The following FLNC variants were observed in gnomAD, a reference collection of about 807,000 sequenced individuals.
The protein encoded by FLNC is filamin C.
FLNC carries 91 observed loss-of-function variants against 254.3 expected under a neutral mutation model. The ratio of observed to expected loss-of-function variants is 0.36; its 90% CI spans 0.30 to 0.43. The LOEUF (loss-of-function observed/expected upper bound fraction) is 0.43, where lower values mean the gene tolerates loss of function less well. FLNC is among the 20% of genes least tolerant of loss of function. FLNC has a pLI of 1.00. For synonymous variants in FLNC, 1,430 were observed against 1,577.2 expected, an observed-to-expected ratio of 0.91 and a Z score of 2.21; for missense variants, 2,853 against 3,802.6, an observed-to-expected ratio of 0.75 and a Z score of 6.57.
In FLNC at chr7:128,846,098, C is replaced by T; in HGVS notation, c.3899C>T (p.Thr1300Ile). Residue 1300 changes from threonine to isoleucine, a missense_variant, in exon 22 of 48, where the codon ACA (threonine) becomes ATA (isoleucine). Transcript: ENST00000325888. ...GTGCTCAACCCCTCGGGGGCCAAGACAGACACCTATGTGACAGACAATGGG... is the reference window on the plus strand; with the variant it reads ...GTGCTCAACCCCTCGGGGGCCAAGATAGACACCTATGTGACAGACAATGGG... ...ARVLNPSGAK[T>I]DTYVTDNGDG... 6.2e-7 allele frequency: 1 copy of T among 1,614,012 alleles called. No individual in the cohort carries two copies. Among genetic ancestry groups the T allele is most frequent in the Non-Finnish European group, 8.5e-7 (1 of 1,180,006 alleles).
In FLNC at chr7:128,840,675, G is replaced by A. The variant is rs111452612; in HGVS notation, c.1676+1G>A. ...GGGGCGGCTACGCCATCCCTCGCAG[G>A]TGAGTACCTTGCGCCCCCCATGCTG... On this transcript the variant is annotated splice_donor_variant, in intron 10 of 47. Transcript: ENST00000325888. LOFTEE classifies it high-confidence loss of function. 6.2e-7 allele frequency: 1 copy of A among 1,613,056 alleles called. No homozygotes were observed. The highest frequency in any genetic ancestry group is 1.3e-5 in the African/African-American group (1 of 74,848).
At position 128,852,876 on chromosome 7, in the gene FLNC, G is replaced by C; in HGVS notation, c.6053G>C (p.Arg2018Pro). The C allele has an allele frequency of 6.2e-7, 1 of 1,613,728 alleles. No individual in the cohort carries two copies. Among genetic ancestry groups the C allele is most frequent in the Non-Finnish European group, 8.5e-7 (1 of 1,179,998 alleles). ...KEVGEHVVSV[R>P]KSGKHVTNSP... ...GTCGGGGAGCACGTGGTGAGCGTGC[G>C]CAAGAGTGGCAAGCATGTCACCAAC... The change falls in exon 37 of 48, where the codon CGC becomes CCC. Residue 2018 changes from arginine (R) to proline (P), a missense_variant. Physicochemically the swap from Arg to Pro is moderately radical, Grantham distance 103. This residue lies in a region of FLNC where 551 missense variants were observed against 835.0 expected (regional missense o/e 0.66). Coordinates refer to ENST00000325888, the MANE Select transcript of FLNC (RefSeq NM_001458.5).
At position 128,842,720 on chromosome 7, in the gene FLNC, G is replaced by A. The variant is rs746238940; in HGVS notation, c.2389+22G>A. On this transcript the variant is annotated intron_variant, in intron 15 of 47. Transcript: ENST00000325888. The surrounding 1 kb of genome is among the most constrained non-coding windows in gnomAD (Gnocchi z 5.4). ...CAAGGTGCGCCCAGCCGGAAGGGGT[G>A]GGTCTGGGAGGGGGCGGGGGTGAGT... 6 of 1,570,036 alleles carry A rather than the reference G, an allele frequency of 3.8e-6. No homozygotes were observed. Among genetic ancestry groups the A allele is most frequent in the South Asian group, 1.2e-5 (1 of 86,114 alleles).
In FLNC at chr7:128,848,312, C is replaced by T. The variant is rs1030750090; in HGVS notation, c.4580+244C>T. ...TGCAGGAGGCCTGGGCCAGGGCCTC[C>T]TCCTGGACCCTCCCACAGCACCTTC... On this transcript the variant is annotated intron_variant, in intron 26 of 47. Coordinates refer to ENST00000325888, the MANE Select transcript of FLNC (RefSeq NM_001458.5). 1.2e-4 allele frequency among the ~76,000 whole-genome samples: 18 copies of T among 152,144 alleles called. 1 individual carries two copies. Among genetic ancestry groups the T allele is most frequent in the Admixed American group, 6.5e-5 (1 of 15,288 alleles).
At chr7:128,833,067 C>G (rs980753878) in intron 1 of FLNC, among the ~76,000 whole-genome samples, 2 of 152,210 alleles carry the variant, frequency 1.3e-5, no homozygotes, top group Non-Finnish European at 2.9e-5. Flanking sequence ...CAGCTGGGAT[C>G]CAAGCCCACC....
intron 25 of FLNC, 38 bp downstream of exon 25, chr7:128,847,902 C>G: frequency 6.2e-7 from 1 of 1,613,546 alleles, no homozygotes; most frequent in East Asian, 2.2e-5. Context: ...GGAGGTGGGG[C>G]GGGACGCCCG....
Position 128,841,094 on chromosome 7 carries a change from G to A in FLNC, c.1814-76G>A. On this transcript the variant is annotated intron_variant, in intron 11 of 47. Coordinates refer to ENST00000325888, the MANE Select transcript of FLNC (RefSeq NM_001458.5). This position sits in a 1 kb window ranked among gnomAD's most constrained non-coding sequence, Gnocchi z 4.3. ...GTGAGCAGGGAGATAGGACATGAGGGCAGCTAGAGGGGAGCTGGGGGACGG... is the reference window on the plus strand; with the variant it reads ...GTGAGCAGGGAGATAGGACATGAGGACAGCTAGAGGGGAGCTGGGGGACGG... 2 of 1,580,650 alleles carry A rather than the reference G, an allele frequency of 1.3e-6. No homozygotes were observed. The highest frequency in any genetic ancestry group is 1.1e-5 in the South Asian group (1 of 89,768).
At position 128,830,615 on chromosome 7, in the gene FLNC, C is replaced by T. The variant is rs754456859; in HGVS notation, c.-23C>T. Reference sequence around the variant, plus strand: ...GCCCAAACCGCGGCCCTAGCCCCGGCCGCACCCCCAGCCCGCGCCAGCATG... The same window carrying T: ...GCCCAAACCGCGGCCCTAGCCCCGGTCGCACCCCCAGCCCGCGCCAGCATG... On this transcript the variant is annotated 5_prime_UTR_variant, in exon 1 of 48. Transcript: ENST00000325888. The T allele has an allele frequency of 2.5e-6, 4 of 1,608,816 alleles. No homozygotes were observed. The highest frequency in any genetic ancestry group is 2.2e-5 in the South Asian group (2 of 90,732).
Position 128,850,365 on chromosome 7 carries a change from TC to T in FLNC, c.5299-16del, listed in dbSNP as rs1198406831. 1 of 1,601,926 alleles carries T rather than the reference TC, an allele frequency of 6.2e-7. No homozygotes were observed. The highest frequency in any genetic ancestry group is 1.3e-5 in the African/African-American group (1 of 74,866). ...TGGGCCTTCCCCAGTCACTGACTGT[TC>T]CCTCTCACCTGCTGCAGGCCACAGA... On this transcript the variant is annotated intron_variant, in intron 31 of 47. Coordinates refer to ENST00000325888, the MANE Select transcript of FLNC (RefSeq NM_001458.5).
chr7:128,853,099 C>A, intron 37 of FLNC, 68 bp downstream of exon 37: 1 of 1,449,408 alleles, frequency 6.9e-7, no homozygotes, highest in Non-Finnish European at 9.6e-7. Flanking sequence ...CTCGTCCTGC[C>A]CAGCACCCCC....
chr7:128,831,017 G>A, intron 1 of FLNC, 28 bp downstream of exon 1: 11 of 1,595,660 alleles, frequency 6.9e-6, no homozygotes, highest in African/African-American at 1.3e-5. Flanking sequence ...GGGCACGGGC[G>A]CTGCGGGGAT....
intron 1 of FLNC, among the ~76,000 whole-genome samples, chr7:128,832,587 C>A (rs991310140): frequency 1.3e-5 from 2 of 152,242 alleles, no homozygotes; most frequent in South Asian, 2.1e-4. Context: ...CCTCTCCCCT[C>A]CCCCGTGGCG....
chr7:128,859,024 C>T lies in FLNC; in HGVS notation c.*501C>T, dbSNP rs989839298. 38 of 177,660 alleles carry T rather than the reference C, an allele frequency of 2.1e-4. No individual in the cohort carries two copies. Among genetic ancestry groups the T allele is most frequent in the East Asian group, 1.4e-4 (1 of 6,984 alleles). The allele number at this position is 177,660 out of a possible 1,614,324, so 11.0% of individuals were successfully genotyped here. On this transcript the variant is annotated 3_prime_UTR_variant, in exon 48 of 48. Coordinates refer to ENST00000325888, the MANE Select transcript of FLNC (RefSeq NM_001458.5). ...CACAATCAGAGAAGAAAACAGCCCCCGAACCAGCAGGAGTGGCCTGGCACA... is the reference window on the plus strand; with the variant it reads ...CACAATCAGAGAAGAAAACAGCCCCTGAACCAGCAGGAGTGGCCTGGCACA...
At position 128,850,170 on chromosome 7, in the gene FLNC, G is replaced by A. The variant is rs890727454; in HGVS notation, c.5298+96G>A. The A allele has an allele frequency of 3.3e-5, 37 of 1,105,970 alleles. No individual in the cohort carries two copies. In the South Asian group the frequency reaches 4.6e-4, roughly 14 times the overall value. 68.5% of individuals were successfully genotyped at this position (1,105,970 alleles called of 1,614,324 possible). On this transcript the variant is annotated intron_variant, in intron 31 of 47. Coordinates refer to ENST00000325888, the MANE Select transcript of FLNC (RefSeq NM_001458.5). Reference sequence around the variant, plus strand: ...GCAGCCAGGGCGGGGACATGGTCTGGGGGCCTCTTGGGGAGCAGGCAAGAG... The same window carrying A: ...GCAGCCAGGGCGGGGACATGGTCTGAGGGCCTCTTGGGGAGCAGGCAAGAG...
chr7:128,845,833 T>C (rs1194175886), intron 21 of FLNC, among the ~76,000 whole-genome samples, 157 bp from the exon 22 acceptor site: 41 of 72,386 alleles, frequency 5.7e-4, no homozygotes, highest in African/African-American at 5.9e-4. Context: ...AGCCTGGGAG[T>C]TGGGGAGTGG....
rs766513255 is a variant in FLNC at position 128,846,758 on chromosome 7, G to A, written c.4141G>A (p.Gly1381Arg). 7 of 1,613,492 alleles carry A rather than the reference G, an allele frequency of 4.3e-6. No individual in the cohort carries two copies. The highest frequency in any genetic ancestry group is 1.7e-5 in the Admixed American group (1 of 59,992). The change falls in exon 24 of 48, where the codon GGG (glycine) becomes AGG (arginine). Residue 1381 changes from glycine (G) to arginine (R), a missense_variant. Around this residue, in one of 10 missense-constraint regions of FLNC, gnomAD observed 1,573 missense variants for 1,883.5 expected, o/e 0.84. Coordinates refer to ENST00000325888, the MANE Select transcript of FLNC (RefSeq NM_001458.5). ...GTTATCTCTCAGGGGAGCGGGCACC[G>A]GGGGCCTTGGCCTAGCCATCGAGGG... ...FTVETRGAGT[G>R]GLGLAIEGPS...
rs200986712 is a variant in FLNC, at chr7:128,843,440, G to A, written c.2674G>A (p.Val892Met). 5.6e-6 allele frequency: 9 copies of A among 1,614,098 alleles called. No homozygotes were observed. Among genetic ancestry groups the A allele is most frequent in the African/African-American group, 4.0e-5 (3 of 75,030 alleles). ...VEVGKPTHFTVLTKGAGKAKL... is the reference protein window; with the variant it reads ...VEVGKPTHFTMLTKGAGKAKL... ...AGTCGGGAAGCCCACCCACTTCACG[G>A]TGCTGACCAAGGGAGCCGGCAAGGC... Residue 892 changes from valine to methionine, a missense_variant, in exon 18 of 48, where the codon GTG (valine) becomes ATG (methionine). Transcript: ENST00000325888.
In FLNC at chr7:128,845,999, G is replaced by A. The variant is rs768767784; in HGVS notation, c.3800G>A (p.Arg1267Gln). ...GPGVEPHGVL[R>Q]EVTTEFTVDA... ...CACCCCTGGGCTCCAGGTGTCCTGC[G>A]GGAGGTGACCACTGAGTTCACTGTG... Residue 1267 changes from arginine to glutamine, a missense_variant, in exon 22 of 48, where the codon CGG (arginine) becomes CAG (glutamine). Coordinates refer to ENST00000325888, the MANE Select transcript of FLNC (RefSeq NM_001458.5). 2.4e-5 allele frequency: 39 copies of A among 1,613,616 alleles called. No individual in the cohort carries two copies. Among genetic ancestry groups the A allele is most frequent in the Middle Eastern group, 1.6e-4 (1 of 6,082 alleles).
At position 128,838,704 on chromosome 7, in the gene FLNC, T is replaced by C; in HGVS notation, c.1312T>C (p.Cys438Arg). 6.2e-7 allele frequency: 1 copy of C among 1,613,014 alleles called. No individual in the cohort carries two copies. The highest frequency in any genetic ancestry group is 8.5e-7 in the Non-Finnish European group (1 of 1,179,986). The change falls in exon 8 of 48, where the codon TGC (cysteine) becomes CGC (arginine). Residue 438 changes from cysteine (C) to arginine (R), a missense_variant. Around this residue, in one of 10 missense-constraint regions of FLNC, gnomAD observed 1,573 missense variants for 1,883.5 expected, o/e 0.84. Transcript: ENST00000325888. ...GGACAAGGGTGACAGCACGTTCCGC[T>C]GCACATACAGACCTGCCATGGAGGG... ...LEDKGDSTFR[C>R]TYRPAMEGPH...
Sources: gnomAD v4.1 joint callset for allele counts (sites outside exome capture counted in the v4.1 genomes callset) on GRCh38, gnomAD v4.1.1 for gene constraint, gnomAD v4.1.1 regional missense constraint, Gnocchi (gnomAD v3.1) non-coding constraint, MANE v1.5 for transcripts, NCBI Gene and HGNC (gene_info 2026-07-23, HGNC 2026-07-21) for gene names.